Variants in KDM3B observed in about 807,000 individuals in gnomAD.
KDM3B encodes the protein lysine-specific demethylase 3B.
In KDM3B, 10 loss-of-function variants were observed where a neutral mutation model predicts 170.0. The observed-to-expected ratio is 0.06, with a 90% CI of 0.04 to 0.10. The LOEUF (loss-of-function observed/expected upper bound fraction) is 0.10, where lower values mean the gene tolerates loss of function less well. Ranked by LOEUF, KDM3B falls within the 10% of genes least tolerant of loss-of-function variation. KDM3B has a pLI of 1.00. For synonymous variants in KDM3B, 831 were observed against 834.8 expected, an observed-to-expected ratio of 1.00 and a Z score of 0.08; for missense variants, 1,394 against 2,195.2, an observed-to-expected ratio of 0.64 and a Z score of 7.29.
chr5:138,377,926 A>G (rs1762037813), intron 4 of KDM3B, 101 bp downstream of exon 4: 2 of 646,486 alleles, frequency 3.1e-6, no homozygotes, highest in Non-Finnish European at 5.0e-6. Context: ...ATTTGTACTT[A>G]TCTCCTTTTT....
chr5:138,395,720 G>T (rs1253242117), intron 9 of KDM3B, among the ~76,000 whole-genome samples: 1 of 151,796 alleles, frequency 6.6e-6, no homozygotes, highest in Non-Finnish European at 1.5e-5. Context: ...GGGTTCAAGC[G>T]ATTCTCCTGC....
At chr5:138,374,845 TTC>T (rs746057394) in intron 2 of KDM3B, among the ~76,000 whole-genome samples, 4 of 152,206 alleles carry the variant, frequency 2.6e-5, no homozygotes, top group Non-Finnish European at 5.9e-5. Flanking sequence ...TTAGGAGAAT[TTC>T]TGATTCCTCT....
In KDM3B at chr5:138,387,937, C is replaced by T. The variant is rs546901842; in HGVS notation, c.1380+1316C>T. 8.0e-4 allele frequency among the ~76,000 whole-genome samples: 121 copies of T among 151,690 alleles called. 1 individual carries two copies. The South Asian group carries it at 0.022, about 28-fold the overall frequency. ...TCTACTAAAAATACAAAAAATTAGC[C>T]GGGCGTGGCGGCGTGCACCTGTAGT... is the stretch of plus-strand genomic sequence containing the variant. On this transcript the variant is annotated intron_variant, in intron 7 of 23. Coordinates refer to ENST00000314358, the MANE Select transcript of KDM3B (RefSeq NM_016604.4).
At chr5:138,359,612 T>C (rs1415670110) in intron 1 of KDM3B, among the ~76,000 whole-genome samples, 2 of 152,066 alleles carry the variant, frequency 1.3e-5, no homozygotes, top group Non-Finnish European at 2.9e-5. Context: ...TGGCCTGGAA[T>C]ATTTTTGTAA....
intron 11 of KDM3B, among the ~76,000 whole-genome samples, chr5:138,412,020 G>A (rs796749481): frequency 4.7e-5 from 7 of 149,248 alleles, no homozygotes; most frequent in African/African-American, 1.7e-4. Context: ...TAATATAAAA[G>A]TTTAAAACTT....
chr5:138,399,923 C>G lies in KDM3B; in HGVS notation c.3110C>G (p.Thr1037Ser), dbSNP rs1762639948. 6.2e-7 allele frequency: 1 copy of G among 1,614,060 alleles called. No individual in the cohort carries two copies. Among genetic ancestry groups the G allele is most frequent in the South Asian group, 1.1e-5 (1 of 91,090 alleles). ...VREMCDVCETTLFNIHWVCRK... is the reference protein window; with the variant it reads ...VREMCDVCETSLFNIHWVCRK... Reference sequence around the variant, plus strand: ...GAGATGTGTGATGTGTGTGAAACAACTCTCTTCAACATCCACTGGGTTTGT... The same window carrying G: ...GAGATGTGTGATGTGTGTGAAACAAGTCTCTTCAACATCCACTGGGTTTGT... Residue 1037 changes from threonine to serine, a missense_variant, in exon 11 of 24, where the codon ACT (threonine) becomes AGT (serine). By Grantham distance (58) the Thr-to-Ser change is moderately conservative (BLOSUM62 1). This residue lies in a region of KDM3B where 2 missense variants were observed against 42.6 expected (regional missense o/e 0.05). Transcript: ENST00000314358.
intron 3 of KDM3B, among the ~76,000 whole-genome samples, chr5:138,377,013 T>C (rs965577356): frequency 6.6e-6 from 1 of 152,222 alleles, no homozygotes; most frequent in Non-Finnish European, 1.5e-5. Context: ...AGAGCAGTTA[T>C]TTCCTAAACT....
At chr5:138,362,844 T>A (rs1761648849) in intron 1 of KDM3B, among the ~76,000 whole-genome samples, 1 of 149,832 alleles carries the variant, frequency 6.7e-6, no homozygotes, top group African/African-American at 2.4e-5. Context: ...ACCCATTAAC[T>A]CATTTACATT....
At chr5:138,406,377 C>T (rs2126971115) in intron 11 of KDM3B, among the ~76,000 whole-genome samples, 1 of 152,258 alleles carries the variant, frequency 6.6e-6, no homozygotes, top group Non-Finnish European at 1.5e-5. Flanking sequence ...GGCACAGTGG[C>T]TCACGCCTGT....
At position 138,372,801 on chromosome 5, in the gene KDM3B, T is replaced by C. The variant is rs1325985380; in HGVS notation, c.320T>C (p.Leu107Pro). ...GCGCCCCGTGAGGACCCAGTCCTTC[T>C]CCAGGGCATTCGAGTCTCCATTGCA... ...VWAPREDPVLLQGIRVSIAQW... is the reference protein window; with the variant it reads ...VWAPREDPVLPQGIRVSIAQW... The change falls in exon 2 of 24, where the codon CTC (leucine) becomes CCC (proline). Residue 107 changes from leucine to proline, a missense_variant. This residue lies in a region of KDM3B where 166 missense variants were observed against 216.4 expected (regional missense o/e 0.77). Coordinates refer to ENST00000314358, the MANE Select transcript of KDM3B (RefSeq NM_016604.4). 9 of 1,614,172 alleles carry C rather than the reference T, an allele frequency of 5.6e-6. No individual in the cohort carries two copies. Among genetic ancestry groups the C allele is most frequent in the Non-Finnish European group, 7.6e-6 (9 of 1,180,044 alleles).
rs1762264531 is a variant in KDM3B, at chr5:138,386,486, G to T, written c.1245G>T (p.Gln415His). The change falls in exon 7 of 24, where the codon CAG becomes CAT. Residue 415 changes from glutamine (Q) to histidine (H), a missense_variant. This residue lies in a region of KDM3B where 205 missense variants were observed against 227.6 expected (regional missense o/e 0.90). Transcript: ENST00000314358. The stretch of plus-strand genomic sequence containing the variant: ...GAAAAACACTGGAACAAGTTGGCCA[G>T]GGCATAGTGGCTTCCGCAGCTGTGG... ...EAGKTLEQVGQGIVASAAVVT... is the reference protein window; with the variant it reads ...EAGKTLEQVGHGIVASAAVVT... 1 of 1,614,080 alleles carries T rather than the reference G, an allele frequency of 6.2e-7. No individual in the cohort carries two copies. Among genetic ancestry groups the T allele is most frequent in the Admixed American group, 1.7e-5 (1 of 59,992 alleles).
intron 1 of KDM3B, among the ~76,000 whole-genome samples, chr5:138,367,419 A>G (rs1027284022): frequency 2.6e-5 from 4 of 152,232 alleles, no homozygotes; most frequent in Non-Finnish European, 5.9e-5. Flanking sequence ...ATGAAGCCCC[A>G]TATCACTTAG....
chr5:138,435,026 GCTGT>G (rs2127013416), intron 23 of KDM3B, among the ~76,000 whole-genome samples: 1 of 152,194 alleles, frequency 6.6e-6, no homozygotes, highest in East Asian at 1.9e-4. Flanking sequence ...TTAAAAGAAA[GCTGT>G]CTTTATTCTC....
In KDM3B at chr5:138,352,970, G is replaced by A; in HGVS notation, c.175G>A (p.Val59Met). The change falls in exon 1 of 24, where the codon GTG becomes ATG. Residue 59 changes from valine (V) to methionine (M), a missense_variant. Physicochemically the swap from Val to Met is conservative, Grantham distance 21 (BLOSUM62 1). Coordinates refer to ENST00000314358, the MANE Select transcript of KDM3B (RefSeq NM_016604.4). ...AGTVRAMSGAVPQDLAIFVEF... is the reference protein window; with the variant it reads ...AGTVRAMSGAMPQDLAIFVEF... ...CACGGTGCGGGCCATGAGCGGGGCG[G>A]TGCCCCAGGACCTAGCGGTGAGTGG... The A allele has an allele frequency of 2.4e-6, 3 of 1,257,776 alleles. No homozygotes were observed. The highest frequency in any genetic ancestry group is 1.6e-5 in the African/African-American group (1 of 64,306). 77.9% of individuals were successfully genotyped at this position (1,257,776 alleles called of 1,614,324 possible). A position where few individuals can be genotyped will look rare whatever the true frequency, so the allele number is the denominator to read the frequency against.
rs193216464 is a variant in KDM3B, at chr5:138,387,819, C to T, written c.1380+1198C>T. On this transcript the variant is annotated intron_variant, in intron 7 of 23. Coordinates refer to ENST00000314358, the MANE Select transcript of KDM3B (RefSeq NM_016604.4). ...CATGTTGGCCAGGCACAGTAGCTCA[C>T]ACCTGTAATCCCAGCACTTTGGGAG... Among the ~76,000 whole-genome samples the T allele has an allele frequency of 8.9e-4, 136 of 152,258 alleles. 1 individual carries two copies. Among genetic ancestry groups the T allele is most frequent in the African/African-American group, 3.1e-3 (127 of 41,534 alleles).
chr5:138,390,828 CTG>C (rs1762408399), intron 7 of KDM3B, among the ~76,000 whole-genome samples, 183 bp from the exon 8 acceptor site: 1 of 152,102 alleles, frequency 6.6e-6, no homozygotes, highest in Non-Finnish European at 1.5e-5. Flanking sequence ...TCAGTGTAGT[CTG>C]TGGCAGATTT....
intron 1 of KDM3B, among the ~76,000 whole-genome samples, chr5:138,371,099 G>A (rs1488580391): frequency 6.6e-6 from 1 of 152,114 alleles, no homozygotes; most frequent in African/African-American, 2.4e-5. Flanking sequence ...GAGCCCCCGT[G>A]CCTGGCCGCA....
At chr5:138,384,969 AG>A (rs1395996817) in intron 6 of KDM3B, among the ~76,000 whole-genome samples, 2 of 151,846 alleles carry the variant, frequency 1.3e-5, no homozygotes, top group Non-Finnish European at 2.9e-5. Flanking sequence ...TATTACCAAA[AG>A]TATAGGCAAA....
intron 7 of KDM3B, among the ~76,000 whole-genome samples, chr5:138,387,900 T>G (rs1254423551): frequency 1.3e-5 from 2 of 151,958 alleles, no homozygotes; most frequent in Non-Finnish European, 2.9e-5. Context: ...GCTAACACGG[T>G]GAAACCCCAT....
Sources: gnomAD v4.1 joint callset for allele counts (sites outside exome capture counted in the v4.1 genomes callset) on GRCh38, gnomAD v4.1.1 for gene constraint, gnomAD v4.1.1 regional missense constraint, MANE v1.5 for transcripts, NCBI Gene and HGNC (gene_info 2026-07-23, HGNC 2026-07-21) for gene names.